The following ERBIN variants were observed in gnomAD, a reference collection of about 807,000 sequenced individuals.
ERBIN encodes erbb2 interacting protein.
Under a neutral mutation model 158.4 loss-of-function variants are expected in ERBIN, and 60 were observed. That is an observed-to-expected ratio of 0.38 (90% CI 0.31 to 0.47). ERBIN has a LOEUF of 0.47. Among genes scored for constraint, ERBIN ranks in the 20% least tolerant of loss-of-function variants. The pLI is 0.99. For missense variants in ERBIN, 1,610 were observed against 1,648.0 expected (o/e 0.98, Z 0.40); for synonymous variants, 594 against 557.2 (o/e 1.07, Z -0.93).
chr5:65,965,069 G>A (rs1175932637), intron 1 of ERBIN, among the ~76,000 whole-genome samples: 1 of 151,268 alleles, frequency 6.6e-6, no homozygotes, highest in Non-Finnish European at 1.5e-5. Context: ...GGGATTACAG[G>A]CATGAGCCCC....
chr5:66,053,527 G>A lies in ERBIN; in HGVS notation c.2209G>A (p.Val737Ile). Reference protein sequence around the residue: ...DFNLPEYDLNVEERLVLIEKS... With the variant: ...DFNLPEYDLNIEERLVLIEKS... ...TAACTTACCTGAATATGATTTGAAT[G>A]TTGAAGAGCGATTAGTTCTAATTGA... is the stretch of plus-strand genomic sequence containing the variant. Residue 737 changes from valine to isoleucine, a missense_variant, in exon 21 of 26, where the codon GTT becomes ATT. Val to Ile is a conservative substitution (Grantham distance 29). This residue lies in a region of ERBIN where 1,014 missense variants were observed against 936.1 expected (regional missense o/e 1.08). Transcript: ENST00000284037. 1 of 1,611,686 alleles carries A rather than the reference G, an allele frequency of 6.2e-7. No individual in the cohort carries two copies. Among genetic ancestry groups the A allele is most frequent in the South Asian group, 1.1e-5 (1 of 90,730 alleles).
At chr5:66,073,632 C>T (rs1188037292) in intron 22 of ERBIN, among the ~76,000 whole-genome samples, 1 of 152,114 alleles carries the variant, frequency 6.6e-6, no homozygotes, top group Non-Finnish European at 1.5e-5. Context: ...TATCTTTCAG[C>T]AAGGTTCACC....
In ERBIN at chr5:66,038,488, A is replaced by G. The variant is rs138227361; in HGVS notation, c.1306+6A>G. 1,270 of 1,577,074 alleles carry G rather than the reference A, an allele frequency of 8.1e-4. 9 individuals are homozygous for G. In the African/African-American group the frequency reaches 0.016, roughly 19 times the overall value. On this transcript the variant is annotated splice_donor_region_variant and intron_variant, in intron 15 of 25. Transcript: ENST00000284037. ...ACAGCCAAGGACTGAGGATGGTAGG[A>G]ATTTCATAATCGATTTTCTTGTTAA...
In ERBIN at chr5:66,081,803, AATGTT is replaced by A. The variant is rs1171850852; in HGVS notation, c.*3274_*3278del. The A allele has an allele frequency of 6.6e-6, 1 of 152,058 alleles. No homozygotes were observed. The highest frequency in any genetic ancestry group is 6.5e-5 in the Admixed American group (1 of 15,268). 9.4% of individuals were successfully genotyped at this position (152,058 alleles called of 1,614,324 possible). ...TTGCATTCTTACAGCCTTCTGTTTTAATGTTCAGTGAATAGGTTTCTTATGAAATG... is the reference window on the plus strand; with the variant it reads ...TTGCATTCTTACAGCCTTCTGTTTTACAGTGAATAGGTTTCTTATGAAATG... On this transcript the variant is annotated 3_prime_UTR_variant, in exon 26 of 26. Coordinates refer to ENST00000284037, the MANE Select transcript of ERBIN (RefSeq NM_001253697.2).
intron 4 of ERBIN, among the ~76,000 whole-genome samples, chr5:65,996,726 A>T (rs1222474750): frequency 6.6e-6 from 1 of 152,068 alleles, no homozygotes; most frequent in Admixed American, 6.5e-5. Flanking sequence ...GGTAGTATGG[A>T]CGTTTTAACA....
At chr5:65,958,174 G>C (rs1051622317) in intron 1 of ERBIN, among the ~76,000 whole-genome samples, 8 of 151,988 alleles carry the variant, frequency 5.3e-5, no homozygotes, top group Non-Finnish European at 1.2e-4. Flanking sequence ...CATCCCAGAC[G>C]ATGGGCGGCC....
intron 14 of ERBIN, among the ~76,000 whole-genome samples, chr5:66,037,079 A>G (rs1026751463): frequency 6.6e-6 from 1 of 152,192 alleles, no homozygotes; most frequent in African/African-American, 2.4e-5. Context: ...ATGAGTTTTT[A>G]AAAGCCTCCC....
chr5:65,927,392 T>C (rs116208456), intron 1 of ERBIN, among the ~76,000 whole-genome samples: 2,399 of 152,298 alleles, frequency 0.016, 61 homozygotes, highest in African/African-American at 0.055. Flanking sequence ...GTGAGTAATA[T>C]ATTTCTTTAG....
chr5:66,032,535 A>G (rs1580411865), intron 14 of ERBIN, among the ~76,000 whole-genome samples: 1 of 152,208 alleles, frequency 6.6e-6, no homozygotes, highest in East Asian at 1.9e-4. Flanking sequence ...ATCAGTATAA[A>G]AGGAAGAAGT....
chr5:65,994,037 A>C (rs1752168542), intron 3 of ERBIN, among the ~76,000 whole-genome samples: 1 of 152,188 alleles, frequency 6.6e-6, no homozygotes, highest in Admixed American at 6.5e-5. Flanking sequence ...TCTGGTGGTC[A>C]GTAAGAACAT....
rs551364110 is a variant in ERBIN, at chr5:66,075,259, T to C, written c.3963+29T>C. ...AGAATAATCAAGACTATTTGAAATA[T>C]GGGACTAAGCTTTTTATGTATTTTT... On this transcript the variant is annotated intron_variant, in intron 23 of 25. Coordinates refer to ENST00000284037, the MANE Select transcript of ERBIN (RefSeq NM_001253697.2). The C allele has an allele frequency of 8.4e-6, 13 of 1,552,854 alleles. 1 individual carries two copies. The South Asian group carries it at 8.9e-5, about 11-fold the overall frequency.
chr5:65,930,945 T>A (rs911592637), intron 1 of ERBIN, among the ~76,000 whole-genome samples: 1 of 152,224 alleles, frequency 6.6e-6, no homozygotes, highest in African/African-American at 2.4e-5. Context: ...CAAATTTTGT[T>A]CCAGACACCA....
intron 21 of ERBIN, among the ~76,000 whole-genome samples, chr5:66,058,442 G>C (rs1262298201): frequency 6.6e-6 from 1 of 151,806 alleles, no homozygotes; most frequent in African/African-American, 2.4e-5. Context: ...TTAGCCCTTT[G>C]TCAGATGAGT....
intron 23 of ERBIN, 110 bp from the exon 24 acceptor site, chr5:66,076,206 C>G (rs1761970884): frequency 1.3e-6 from 1 of 758,460 alleles, no homozygotes; most frequent in Middle Eastern, 2.5e-4. Context: ...TTGATGAATT[C>G]TTATGTTTAT....
rs908288037 is a variant in ERBIN at position 66,046,342 on chromosome 5, C to G, written c.1603-11C>G. 7 of 1,430,916 alleles carry G rather than the reference C, an allele frequency of 4.9e-6. No homozygotes were observed. The Admixed American group carries it at 1.5e-4, about 32-fold the overall frequency. 88.6% of individuals were successfully genotyped at this position (1,430,916 alleles called of 1,614,324 possible). On this transcript the variant is annotated splice_polypyrimidine_tract_variant and intron_variant, in intron 17 of 25. Transcript: ENST00000284037. The stretch of plus-strand genomic sequence containing the variant: ...AAAGAATATGAGCTCTTTATCTTTT[C>G]TTTTACTTAGACCTCAGAAAGTACT...
intron 9 of ERBIN, among the ~76,000 whole-genome samples, chr5:66,023,673 A>AT (rs145788640): frequency 0.072 from 9,472 of 131,598 alleles, 728 homozygotes; most frequent in African/African-American, 0.17. Context: ...AACTTTCTGA[A>AT]TTTTTTTTTT....
intron 4 of ERBIN, among the ~76,000 whole-genome samples, chr5:66,006,454 A>G (rs1261493193): frequency 6.6e-6 from 1 of 152,188 alleles, no homozygotes; most frequent in Non-Finnish European, 1.5e-5. Flanking sequence ...AAGAAAACCT[A>G]GGCAATACCA....
chr5:66,045,493 A>G (rs1271595984), intron 17 of ERBIN, among the ~76,000 whole-genome samples: 1 of 151,960 alleles, frequency 6.6e-6, no homozygotes, highest in Non-Finnish European at 1.5e-5. Context: ...CATATAGCCT[A>G]TGTGTGTAGT....
chr5:66,057,474 G>A (rs1759720478), intron 21 of ERBIN, among the ~76,000 whole-genome samples: 1 of 151,856 alleles, frequency 6.6e-6, no homozygotes, highest in Non-Finnish European at 1.5e-5. Context: ...TTTTATGATG[G>A]TAAAATAATT....
Sources: allele counts gnomAD v4.1 joint callset (sites outside exome capture counted in the v4.1 genomes callset), GRCh38; gene constraint gnomAD v4.1.1; regional missense constraint gnomAD v4.1.1; transcripts MANE v1.5; gene names NCBI Gene and HGNC (gene_info 2026-07-23, HGNC 2026-07-21).